WNT7B: variants seen among roughly 807,000 people sequenced by gnomAD.
WNT7B encodes the protein Wnt family member 7B, also known as protein Wnt-7b.
A neutral mutation model predicts 38.2 loss-of-function variants in WNT7B; 19 were observed. That is an observed-to-expected ratio of 0.50 (90% confidence interval 0.35 to 0.73). The LOEUF (loss-of-function observed/expected upper bound fraction) is 0.73, where lower values mean the gene tolerates loss of function less well. Ranked by LOEUF, WNT7B falls within the 30% of genes least tolerant of loss-of-function variation. The pLI is 0.01. For missense variants in WNT7B, 423 were observed against 507.9 expected (o/e 0.83, Z 1.61); for synonymous variants, 243 against 209.3 (o/e 1.16, Z -1.39).
chr22:45,937,319 C>T (rs937369301), intron 2 of WNT7B, among the ~76,000 whole-genome samples: 6 of 152,264 alleles, frequency 3.9e-5, no homozygotes, highest in Admixed American at 1.3e-4. Context: ...GGCTCAGAGT[C>T]TGACACCCTG....
intron 1 of WNT7B, among the ~76,000 whole-genome samples, chr22:45,971,840 C>T (rs1301609484): frequency 2.0e-5 from 3 of 152,332 alleles, no homozygotes; most frequent in Non-Finnish European, 4.4e-5. Flanking sequence ...GGAATCTCGG[C>T]GCCGCTCGCG....
At chr22:45,950,199 C>T in intron 1 of WNT7B, 53 bp from the exon 2 acceptor site, 1 of 1,493,288 alleles carries the variant, frequency 6.7e-7, no homozygotes, top group South Asian at 1.2e-5. Context: ...AGCGCCCCTC[C>T]TCACCCCCAA....
At chr22:45,971,666 G>C (rs962979488) in intron 1 of WNT7B, among the ~76,000 whole-genome samples, 7 of 152,236 alleles carry the variant, frequency 4.6e-5, no homozygotes, top group African/African-American at 1.7e-4. Context: ...GGTACAGTCC[G>C]GGCGCTGTCC....
intron 1 of WNT7B, among the ~76,000 whole-genome samples, chr22:45,955,236 C>A (rs73888728): frequency 0.029 from 4,435 of 152,336 alleles, 224 homozygotes; most frequent in African/African-American, 0.1. Context: ...CCTGCCACAC[C>A]CCAGGCCTGG....
chr22:45,920,652 G>C lies in WNT7B; in HGVS notation c.*2204C>G, dbSNP rs959640722. ...TCGGGAGATGGGGGATGGGATGGGG[G>C]GTGGGTATGGGGAATAGGGATGAGG... On this transcript the variant is annotated 3_prime_UTR_variant, in exon 4 of 4. Transcript: ENST00000339464. The C allele has an allele frequency of 2.8e-5, 4 of 143,700 alleles. No individual in the cohort carries two copies. Among genetic ancestry groups the C allele is most frequent in the Admixed American group, 2.8e-4 (4 of 14,510 alleles). The allele number at this position is 143,700 out of a possible 1,614,324, so 8.9% of individuals were successfully genotyped here.
chr22:45,936,183 G>C (rs1234419367), intron 2 of WNT7B: 15 of 985,146 alleles, frequency 1.5e-5, no homozygotes, highest in African/African-American at 1.7e-5. Flanking sequence ...GGCTATCTCT[G>C]GTGCCTCGGC....
At chr22:45,952,217 C>A (rs375187916) in intron 1 of WNT7B, among the ~76,000 whole-genome samples, 1 of 152,246 alleles carries the variant, frequency 6.6e-6, no homozygotes, top group Non-Finnish European at 1.5e-5. Context: ...ACTGCCCGCC[C>A]GCCCTTTTCT....
In WNT7B at chr22:45,963,122, G is replaced by A. The variant is rs141951934; in HGVS notation, c.72-12976C>T. Among the ~76,000 whole-genome samples the A allele has an allele frequency of 1.5e-3, 234 of 152,254 alleles. 1 individual carries two copies. The highest frequency in any genetic ancestry group is 2.9e-3 in the Admixed American group (44 of 15,296). ...CCTTCCAGGAACAGATGGGAGCCAC[G>A]CCCAGTCCATGCCTGGGCCACACAG... On this transcript the variant is annotated intron_variant, in intron 1 of 3. Coordinates refer to ENST00000339464, the MANE Select transcript of WNT7B (RefSeq NM_058238.3).
intron 3 of WNT7B, chr22:45,926,458 G>A (rs896388637): frequency 1.2e-5 from 12 of 985,296 alleles, no homozygotes; most frequent in Non-Finnish European, 1.3e-5. Context: ...CAGAATAAGG[G>A]TGTAGCCTGT....
In WNT7B at chr22:45,926,827, C is replaced by A. The variant is rs965696234; in HGVS notation, c.571-3492G>T. The A allele has an allele frequency of 3.0e-6, 3 of 985,294 alleles. No homozygotes were observed. In the African/African-American group the frequency reaches 5.2e-5, roughly 17 times the overall value. 61.0% of individuals were successfully genotyped at this position (985,294 alleles called of 1,614,324 possible). A position where few individuals can be genotyped will look rare whatever the true frequency, so the allele number is the denominator to read the frequency against. ...TGAAGTTACATCATGAGCCACTGGCCGAGAAGGAGAGTGTGGAGGGTGTGC... is the reference window on the plus strand; with the variant it reads ...TGAAGTTACATCATGAGCCACTGGCAGAGAAGGAGAGTGTGGAGGGTGTGC... On this transcript the variant is annotated intron_variant, in intron 3 of 3. Transcript: ENST00000339464.
At position 45,976,195 on chromosome 22, in the gene WNT7B, G is replaced by A. The variant is rs949732150; in HGVS notation, c.71+489C>T. Reference sequence around the variant, plus strand: ...TCTGGGTGATGGATAGAGACGAAGGGCCGCGGCGGGTGCCCCGGCCTGCGC... The same window carrying A: ...TCTGGGTGATGGATAGAGACGAAGGACCGCGGCGGGTGCCCCGGCCTGCGC... On this transcript the variant is annotated intron_variant, in intron 1 of 3. Transcript: ENST00000339464. This position sits in a 1 kb window ranked among gnomAD's most constrained non-coding sequence, Gnocchi z 8.5. Among the ~76,000 whole-genome samples the A allele has an allele frequency of 1.4e-5, 2 of 146,070 alleles. No homozygotes were observed. Among genetic ancestry groups the A allele is most frequent in the African/African-American group, 4.9e-5 (2 of 40,770 alleles).
chr22:45,931,176 C>G lies in WNT7B; in HGVS notation c.492G>C (p.Arg164=). The G allele has an allele frequency of 3.1e-6, 5 of 1,599,654 alleles. No individual in the cohort carries two copies. The highest frequency in any genetic ancestry group is 4.2e-6 in the Non-Finnish European group (5 of 1,179,646). ...ADVRYGIDFS[R]RFVDAREIKK... ...TGATCTCCCGAGCGTCCACGAAGCG[C>G]CGGGAGAAGTCGATGCCGTAACGCA... Residue 164 remains arginine (R), a synonymous_variant, in exon 3 of 4, where the codon CGG becomes CGC. Coordinates refer to ENST00000339464, the MANE Select transcript of WNT7B (RefSeq NM_058238.3).
intron 2 of WNT7B, among the ~76,000 whole-genome samples, chr22:45,934,762 C>T (rs955890807): frequency 5.9e-5 from 9 of 152,230 alleles, no homozygotes; most frequent in African/African-American, 2.2e-4. Context: ...GGTTACTCAT[C>T]GCCTGCCGCT....
Position 45,975,033 on chromosome 22 carries a change from T to A in WNT7B, c.71+1651A>T, listed in dbSNP as rs887680002. On this transcript the variant is annotated intron_variant, in intron 1 of 3. Transcript: ENST00000339464. The surrounding 1 kb of genome is among the most constrained non-coding windows in gnomAD (Gnocchi z 6.6). ...CTTTCCGATGACTGAGGCAGAAGAA[T>A]GGACGCTAGGAACAGCAGCCCACAG... is the stretch of plus-strand genomic sequence containing the variant. Among the ~76,000 whole-genome samples the A allele has an allele frequency of 6.6e-6, 1 of 152,122 alleles. No individual in the cohort carries two copies. Among genetic ancestry groups the A allele is most frequent in the Non-Finnish European group, 1.5e-5 (1 of 68,010 alleles).
chr22:45,931,174 C>A lies in WNT7B; in HGVS notation c.494G>T (p.Arg165Leu). 1.3e-6 allele frequency: 2 copies of A among 1,599,582 alleles called. No individual in the cohort carries two copies. The highest frequency in any genetic ancestry group is 1.7e-6 in the Non-Finnish European group (2 of 1,179,574). Residue 165 changes from arginine (R) to leucine (L), a missense_variant, in exon 3 of 4, where the codon CGC becomes CTC. Physicochemically the swap from Arg to Leu is moderately radical, Grantham distance 102. Transcript: ENST00000339464. ...DVRYGIDFSR[R>L]FVDAREIKKN... ...CTTGATCTCCCGAGCGTCCACGAAG[C>A]GCCGGGAGAAGTCGATGCCGTAACG...
chr22:45,969,698 G>A (rs759483553), intron 1 of WNT7B, among the ~76,000 whole-genome samples: 1 of 152,214 alleles, frequency 6.6e-6, no homozygotes, highest in African/African-American at 2.4e-5. Flanking sequence ...GGTGTGCACC[G>A]ACCACAGCCC....
Position 45,965,953 on chromosome 22 carries a change from C to T in WNT7B, c.71+10731G>A, listed in dbSNP as rs564169180. Among the ~76,000 whole-genome samples, 28 of 152,300 alleles carry T rather than the reference C, an allele frequency of 1.8e-4. No individual in the cohort carries two copies. The highest frequency in any genetic ancestry group is 6.3e-4 in the African/African-American group (26 of 41,558). ...AACACCGTGACAAGTGGCATGGACCCGACAGCCAGGAGTCCCTGGGCTCAA... is the reference window on the plus strand; with the variant it reads ...AACACCGTGACAAGTGGCATGGACCTGACAGCCAGGAGTCCCTGGGCTCAA... On this transcript the variant is annotated intron_variant, in intron 1 of 3. Coordinates refer to ENST00000339464, the MANE Select transcript of WNT7B (RefSeq NM_058238.3). This position sits in a 1 kb window ranked among gnomAD's most constrained non-coding sequence, Gnocchi z 6.5.
At chr22:45,925,580 C>T (rs745677253) in intron 3 of WNT7B, 22 of 985,160 alleles carry the variant, frequency 2.2e-5, no homozygotes, top group Non-Finnish European at 2.5e-5. Context: ...CCTCCTGTCC[C>T]TCTCCCATCC....
intron 2 of WNT7B, among the ~76,000 whole-genome samples, chr22:45,939,014 ATCATTAGCTG>A (rs1931578596): frequency 1.3e-5 from 2 of 152,366 alleles, no homozygotes; most frequent in South Asian, 4.1e-4. Flanking sequence ...GATTCTCAGC[ATCATTAGCTG>A]TCAAGGAAAT....
Sources: allele counts gnomAD v4.1 joint callset (sites outside exome capture counted in the v4.1 genomes callset), GRCh38; gene constraint gnomAD v4.1.1; non-coding constraint Gnocchi (gnomAD v3.1); transcripts MANE v1.5; gene names NCBI Gene and HGNC (gene_info 2026-07-23, HGNC 2026-07-21).